The following IGDCC3 variants were observed in gnomAD, a reference collection of about 807,000 sequenced individuals.
IGDCC3 encodes the protein immunoglobulin superfamily DCC subclass member 3, also known as putative neuronal cell adhesion molecule.
A neutral mutation model predicts 72.0 loss-of-function variants in IGDCC3; 47 were observed. That is an observed-to-expected ratio of 0.65 (90% CI 0.52 to 0.83). The LOEUF (loss-of-function observed/expected upper bound fraction) is 0.83, where lower values mean the gene tolerates loss of function less well. IGDCC3 is among the 40% of genes least tolerant of loss of function. The pLI is 0.00. For synonymous variants in IGDCC3, 477 were observed against 472.8 expected, an observed-to-expected ratio of 1.01 and a Z score of -0.11; for missense variants, 1,038 against 1,091.3, an observed-to-expected ratio of 0.95 and a Z score of 0.69.
chr15:65,351,312 A>G (rs1029719315), intron 2 of IGDCC3, among the ~76,000 whole-genome samples: 89 of 152,308 alleles, frequency 5.8e-4, no homozygotes, highest in African/African-American at 1.7e-3. Context: ...CAAGGTGGGC[A>G]GATCACAAGG....
In IGDCC3 at chr15:65,331,114, C is replaced by T. The variant is rs1410691476; in HGVS notation, c.1497G>A (p.Lys499=). 9.9e-6 allele frequency: 16 copies of T among 1,614,010 alleles called. No homozygotes were observed. In the Admixed American group the frequency reaches 2.3e-4, roughly 24 times the overall value. Reference sequence around the variant, plus strand: ...AGCTGGCCCCCCTTGGTGTGTAGGCCTTGATGTAGAAACTGTAGGCTGTGG... The same window carrying T: ...AGCTGGCCCCCCTTGGTGTGTAGGCTTTGATGTAGAAACTGTAGGCTGTGG... The part of the protein sequence containing the change: ...EPSTAYSFYI[K]AYTPRGASSA... The change falls in exon 9 of 14, where the codon AAG becomes AAA. Residue 499 remains lysine, a synonymous_variant. Coordinates refer to ENST00000327987, the MANE Select transcript of IGDCC3 (RefSeq NM_004884.4).
chr15:65,370,508 A>G (rs1269644920), intron 2 of IGDCC3, among the ~76,000 whole-genome samples: 1 of 33,878 alleles, frequency 3.0e-5, no homozygotes, highest in African/African-American at 1.1e-4. Context: ...CTTGGTCTCA[A>G]AAAAAAAATA....
intron 1 of IGDCC3, among the ~76,000 whole-genome samples, chr15:65,375,875 AAAG>A (rs2091355994): frequency 6.6e-6 from 1 of 152,362 alleles, no homozygotes; most frequent in Admixed American, 6.5e-5. Context: ...TGTTTAGATC[AAAG>A]AAGAACAATG....
At chr15:65,353,643 T>C (rs745547113) in intron 2 of IGDCC3, among the ~76,000 whole-genome samples, 1 of 152,028 alleles carries the variant, frequency 6.6e-6, no homozygotes, top group African/African-American at 2.4e-5. Context: ...ATAAAACAGG[T>C]TGCAGTAAAG....
intron 5 of IGDCC3, 84 bp from the exon 6 acceptor site, chr15:65,333,499 G>T: frequency 1.5e-6 from 2 of 1,333,172 alleles, no homozygotes; most frequent in Non-Finnish European, 2.0e-6. Flanking sequence ...CAGATGGCTT[G>T]CCCTTCCTCC....
intron 2 of IGDCC3, among the ~76,000 whole-genome samples, chr15:65,343,958 C>T (rs1215095722): frequency 7.9e-5 from 12 of 152,318 alleles, no homozygotes; most frequent in Admixed American, 7.8e-4. Context: ...ACCCTCTGTC[C>T]CAGGTACCCA....
chr15:65,374,494 C>G (rs531003208), intron 2 of IGDCC3, among the ~76,000 whole-genome samples: 2 of 152,304 alleles, frequency 1.3e-5, no homozygotes, highest in South Asian at 2.1e-4. Flanking sequence ...CTCGCCTTTT[C>G]TCTCCCATTC....
At chr15:65,357,298 T>C (rs2091230158) in intron 2 of IGDCC3, among the ~76,000 whole-genome samples, 1 of 152,214 alleles carries the variant, frequency 6.6e-6, no homozygotes. Flanking sequence ...ATTTATTAAA[T>C]GATTAATCAA....
intron 6 of IGDCC3, 77 bp from the exon 7 acceptor site, chr15:65,332,183 T>C (rs2090984451): frequency 2.0e-6 from 3 of 1,501,576 alleles, no homozygotes. Context: ...GAACAGGGGA[T>C]GGGACTGGAG....
chr15:65,334,969 C>T (rs532843751), intron 4 of IGDCC3, 104 bp from the exon 5 acceptor site: 1 of 1,330,390 alleles, frequency 7.5e-7, no homozygotes, highest in South Asian at 1.5e-5. Context: ...AACACCAGCC[C>T]AGAAACCAGG....
intron 8 of IGDCC3, 99 bp from the exon 9 acceptor site, chr15:65,331,313 G>C: frequency 6.4e-7 from 1 of 1,566,610 alleles, no homozygotes. Context: ...GGGGACAGCG[G>C]GGAGAAGGAA....
rs1247228878 is a variant in IGDCC3 at position 65,329,166 on chromosome 15, C to T, written c.2206-18G>A. On this transcript the variant is annotated intron_variant, in intron 13 of 13. Transcript: ENST00000327987. This position sits in a 1 kb window ranked among gnomAD's most constrained non-coding sequence, Gnocchi z 4.1. ...GGATCCTGCTGGGGAAAGAGCCCGTCACACAGGCGTCAGCTTGAGGGCCAG... is the reference window on the plus strand; with the variant it reads ...GGATCCTGCTGGGGAAAGAGCCCGTTACACAGGCGTCAGCTTGAGGGCCAG... 5 of 1,595,026 alleles carry T rather than the reference C, an allele frequency of 3.1e-6. No homozygotes were observed. The highest frequency in any genetic ancestry group is 3.4e-6 in the Non-Finnish European group (4 of 1,171,956).
At chr15:65,361,396 C>A (rs1168022005) in intron 2 of IGDCC3, among the ~76,000 whole-genome samples, 1 of 151,376 alleles carries the variant, frequency 6.6e-6, no homozygotes, top group African/African-American at 2.4e-5. Context: ...AAGCCGCGAT[C>A]GTGCTGCTGC....
In IGDCC3 at chr15:65,334,731, G is replaced by C. The variant is rs774622938; in HGVS notation, c.820C>G (p.Leu274Val). The change falls in exon 5 of 14, where the codon CTG becomes GTG. Residue 274 changes from leucine (L) to valine (V), a missense_variant. By Grantham distance (32) the Leu-to-Val change is conservative. Transcript: ENST00000327987. ...GGGCTGTGGGGATGAGGCTCACCCA[G>C]GCGGCTCCAGGACACAATGGGGCGC... is the stretch of plus-strand genomic sequence containing the variant. ...NPRPIVSWSR[L>V]DGRPIGVEGI... 6.4e-7 allele frequency: 1 copy of C among 1,565,444 alleles called. No homozygotes were observed. The highest frequency in any genetic ancestry group is 1.4e-5 in the African/African-American group (1 of 73,740).
At position 65,345,558 on chromosome 15, in the gene IGDCC3, G is replaced by GCACA. The variant is rs139591852; in HGVS notation, c.410-9606_410-9603dup. Among the ~76,000 whole-genome samples the GCACA allele has an allele frequency of 6.2e-3, 907 of 145,836 alleles. 6 individuals are homozygous for GCACA. The highest frequency in any genetic ancestry group is 0.02 in the African/African-American group (808 of 39,954). ...AACAGAGTGAGACCCTGTCTCACAC[G>GCACA]CACACACACACACACACACACGCAC... On this transcript the variant is annotated intron_variant, in intron 2 of 13. Coordinates refer to ENST00000327987, the MANE Select transcript of IGDCC3 (RefSeq NM_004884.4).
intron 2 of IGDCC3, among the ~76,000 whole-genome samples, chr15:65,361,562 A>G (rs1213244277): frequency 1.3e-5 from 2 of 151,774 alleles, no homozygotes; most frequent in Admixed American, 6.6e-5. Flanking sequence ...CCAGGCTCCC[A>G]GTTGATAGGG....
chr15:65,333,820 A>T (rs2091001031), intron 5 of IGDCC3, among the ~76,000 whole-genome samples: 1 of 151,626 alleles, frequency 6.6e-6, no homozygotes, highest in Admixed American at 6.6e-5. Flanking sequence ...TTGGGGGGGG[A>T]ACCCGGTTAA....
chr15:65,329,199 GGCTCC>G lies in IGDCC3; in HGVS notation c.2206-56_2206-52del. 9 of 1,560,498 alleles carry G rather than the reference GGCTCC, an allele frequency of 5.8e-6. No homozygotes were observed. The highest frequency in any genetic ancestry group is 6.9e-6 in the Non-Finnish European group (8 of 1,157,038). ...CGTCAGCTTGAGGGCCAGGGCGCCA[GGCTCC>G]AACTCACCCCACTTGGGCCTTAGGG... On this transcript the variant is annotated intron_variant, in intron 13 of 13. Transcript: ENST00000327987. The surrounding 1 kb of genome is among the most constrained non-coding windows in gnomAD (Gnocchi z 4.1).
intron 2 of IGDCC3, among the ~76,000 whole-genome samples, chr15:65,342,948 A>G (rs528720589): frequency 5.1e-4 from 78 of 152,156 alleles, no homozygotes; most frequent in African/African-American, 1.8e-3. Flanking sequence ...AGGTAGTGGT[A>G]TAGGGAGGAG....
Sources: gnomAD v4.1 joint callset for allele counts (sites outside exome capture counted in the v4.1 genomes callset) on GRCh38, gnomAD v4.1.1 for gene constraint, Gnocchi (gnomAD v3.1) non-coding constraint, MANE v1.5 for transcripts, NCBI Gene and HGNC (gene_info 2026-07-23, HGNC 2026-07-21) for gene names.